Variants in SULF2 observed in about 807,000 individuals in gnomAD.
The protein encoded by SULF2 is sulfatase 2.
In SULF2, 52 loss-of-function variants were observed where a neutral mutation model predicts 107.7. That is an observed-to-expected ratio of 0.48 (90% CI 0.39 to 0.61). SULF2 has a LOEUF of 0.61. Ranked by LOEUF, SULF2 falls within the 20% of genes least tolerant of loss-of-function variation. The pLI, the probability that SULF2 is intolerant of heterozygous loss-of-function variation, is 0.00. For missense variants in SULF2, 993 were observed against 1,177.3 expected, an observed-to-expected ratio of 0.84 and a Z score of 2.29; for synonymous variants, 460 against 464.3, an observed-to-expected ratio of 0.99 and a Z score of 0.12.
intron 3 of SULF2, among the ~76,000 whole-genome samples, chr20:47,714,906 C>A (rs1055672484): frequency 1.3e-5 from 2 of 152,032 alleles, no homozygotes; most frequent in Non-Finnish European, 2.9e-5. Context: ...CCTTTCCCAG[C>A]TATTTGCTCA....
intron 5 of SULF2, among the ~76,000 whole-genome samples, chr20:47,687,955 G>T (rs2088067783): frequency 6.6e-6 from 1 of 151,880 alleles, no homozygotes; most frequent in Non-Finnish European, 1.5e-5. Flanking sequence ...TGCTTGTGTG[G>T]TATGTCTTTG....
At chr20:47,743,126 A>G (rs1035654856) in intron 2 of SULF2, among the ~76,000 whole-genome samples, 1 of 151,936 alleles carries the variant, frequency 6.6e-6, no homozygotes, top group African/African-American at 2.4e-5. Flanking sequence ...AATTATAGAT[A>G]TTATTAGAGT....
At chr20:47,695,102 A>G (rs1254443496) in intron 4 of SULF2, among the ~76,000 whole-genome samples, 1 of 152,212 alleles carries the variant, frequency 6.6e-6, no homozygotes, top group Non-Finnish European at 1.5e-5. Context: ...GACAGTAAAT[A>G]TTTTAGACTC....
intron 1 of SULF2, among the ~76,000 whole-genome samples, chr20:47,768,806 T>G (rs1210566335): frequency 6.6e-6 from 1 of 152,086 alleles, no homozygotes. Context: ...GTCCCAGCAC[T>G]GCTCTCTTCA....
intron 2 of SULF2, among the ~76,000 whole-genome samples, chr20:47,752,356 G>C (rs1380386933): frequency 6.6e-6 from 1 of 152,180 alleles, no homozygotes; most frequent in African/African-American, 2.4e-5. Context: ...CATGGTCAAT[G>C]GTAGAGTGAG....
intron 1 of SULF2, among the ~76,000 whole-genome samples, chr20:47,766,461 G>A (rs751898394): frequency 1.3e-5 from 2 of 152,200 alleles, no homozygotes; most frequent in African/African-American, 2.4e-5. Context: ...CAGGTTTCAA[G>A]ACAAAGGCTC....
intron 3 of SULF2, among the ~76,000 whole-genome samples, chr20:47,708,731 G>T (rs147613762): frequency 4.1e-4 from 62 of 152,332 alleles, no homozygotes; most frequent in African/African-American, 1.4e-3. Flanking sequence ...CTTGGGCCAA[G>T]GTCTTTCTGA....
chr20:47,682,633 C>A (rs1016012506), intron 7 of SULF2, among the ~76,000 whole-genome samples: 21 of 152,152 alleles, frequency 1.4e-4, no homozygotes, highest in Admixed American at 1.3e-3. Context: ...GTGCTGTGGT[C>A]CGGGGTTCCT....
chr20:47,705,770 A>G (rs1265495528), intron 3 of SULF2, among the ~76,000 whole-genome samples: 2 of 151,184 alleles, frequency 1.3e-5, no homozygotes, highest in Non-Finnish European at 2.9e-5. Flanking sequence ...AAATGTCAGC[A>G]GCGCCTAATC....
chr20:47,700,637 C>CTTTTTT (rs59966689), intron 4 of SULF2, among the ~76,000 whole-genome samples: 17 of 126,188 alleles, frequency 1.3e-4, no homozygotes, highest in Non-Finnish European at 1.6e-4. Flanking sequence ...GGTGCAACAT[C>CTTTTTT]TTTTTTTTTT....
chr20:47,727,361 A>AG (rs1283158341), intron 3 of SULF2, among the ~76,000 whole-genome samples: 4 of 152,142 alleles, frequency 2.6e-5, no homozygotes, highest in African/African-American at 9.7e-5. Flanking sequence ...CCACAAGCCA[A>AG]GGGGTGCCAA....
intron 2 of SULF2, among the ~76,000 whole-genome samples, chr20:47,741,793 G>T (rs1835882367): frequency 6.6e-6 from 1 of 152,164 alleles, no homozygotes; most frequent in African/African-American, 2.4e-5. Context: ...CACCTAACTG[G>T]TCAGACCCTT....
chr20:47,749,843 C>G (rs956551181), intron 2 of SULF2, among the ~76,000 whole-genome samples: 2 of 152,192 alleles, frequency 1.3e-5, no homozygotes, highest in African/African-American at 4.8e-5. Context: ...TATACGATCC[C>G]CACCGTGCCC....
intron 7 of SULF2, among the ~76,000 whole-genome samples, chr20:47,681,834 G>A (rs1342413279): frequency 2.6e-5 from 4 of 152,146 alleles, no homozygotes; most frequent in Non-Finnish European, 4.4e-5. Context: ...ACAGGTGTAC[G>A]CCACCATGTC....
chr20:47,682,722 C>A (rs1001864755), intron 7 of SULF2, among the ~76,000 whole-genome samples: 2 of 152,194 alleles, frequency 1.3e-5, no homozygotes, highest in Non-Finnish European at 2.9e-5. Flanking sequence ...TGGTGACATG[C>A]ATGTGCGCGC....
intron 11 of SULF2, among the ~76,000 whole-genome samples, chr20:47,667,824 G>T (rs184480063): frequency 6.6e-6 from 1 of 152,192 alleles, no homozygotes; most frequent in Non-Finnish European, 1.5e-5. Flanking sequence ...AGGTGGTGGC[G>T]GAAGGCAGTG....
At chr20:47,764,814 C>T (rs147326143) in intron 1 of SULF2, among the ~76,000 whole-genome samples, 1 of 152,284 alleles carries the variant, frequency 6.6e-6, no homozygotes, top group East Asian at 1.9e-4. Flanking sequence ...ACAGGAAACA[C>T]CCTAGAAGAA....
At chr20:47,767,600 A>AC (rs1246006788) in intron 1 of SULF2, among the ~76,000 whole-genome samples, 3 of 152,012 alleles carry the variant, frequency 2.0e-5, no homozygotes, top group African/African-American at 7.2e-5. Context: ...ATGCGGTGAA[A>AC]CCCCATCTCT....
chr20:47,768,476 T>C (rs1010281180), intron 1 of SULF2, among the ~76,000 whole-genome samples: 3 of 152,178 alleles, frequency 2.0e-5, no homozygotes, highest in Admixed American at 6.5e-5. Flanking sequence ...TGAACCCAAA[T>C]TGGGGGGCGG....
Sources: allele counts gnomAD v4.1 joint callset (sites outside exome capture counted in the v4.1 genomes callset), GRCh38; gene constraint gnomAD v4.1.1; transcripts MANE v1.5; gene names NCBI Gene and HGNC (gene_info 2026-07-23, HGNC 2026-07-21).